The following ROBO2 variants were observed in gnomAD, a reference collection of about 807,000 sequenced individuals.
ROBO2 encodes roundabout guidance receptor 2.
In ROBO2, 53 loss-of-function variants were observed where a neutral mutation model predicts 160.8. The ratio of observed to expected loss-of-function variants is 0.33; its 90% CI spans 0.26 to 0.41. The LOEUF is 0.41. Ranked by LOEUF, ROBO2 falls within the 10% of genes least tolerant of loss-of-function variation. The pLI, the probability that ROBO2 is intolerant of heterozygous loss-of-function variation, is 1.00. For missense variants in ROBO2, 1,577 were observed against 1,722.4 expected (o/e 0.92, Z 1.49); for synonymous variants, 664 against 611.7 (o/e 1.09, Z -1.26).
chr3:76,386,384 G>C (rs1268006680), intron 2 of ROBO2, among the ~76,000 whole-genome samples: 1 of 114,532 alleles, frequency 8.7e-6, no homozygotes, highest in Non-Finnish European at 1.6e-5. Context: ...CCTTTCAGAA[G>C]TATTTATTGA....
At chr3:75,969,515 A>T (rs998966465) in intron 2 of ROBO2, among the ~76,000 whole-genome samples, 2 of 151,526 alleles carry the variant, frequency 1.3e-5, no homozygotes, top group Non-Finnish European at 3.0e-5. Context: ...TGGCTGTCTC[A>T]GTTTACTTTC....
At chr3:76,938,362 C>G (rs889355883) in intron 2 of ROBO2, among the ~76,000 whole-genome samples, 1 of 149,652 alleles carries the variant, frequency 6.7e-6, no homozygotes, top group Non-Finnish European at 1.5e-5. Flanking sequence ...CCCACCTACC[C>G]CCCCCAAAAA....
intron 2 of ROBO2, among the ~76,000 whole-genome samples, chr3:75,952,674 C>G (rs1355413688): frequency 2.6e-5 from 4 of 151,920 alleles, no homozygotes; most frequent in Non-Finnish European, 4.4e-5. Context: ...AGAGTTTACT[C>G]CTTGTCTTAT....
intron 24 of ROBO2, among the ~76,000 whole-genome samples, chr3:77,640,993 A>G (rs954002130): frequency 7.2e-5 from 11 of 152,216 alleles, no homozygotes; most frequent in African/African-American, 2.7e-4. Context: ...CAATGACAAG[A>G]TAAGTTATTT....
intron 2 of ROBO2, among the ~76,000 whole-genome samples, chr3:77,223,268 GA>G (rs1314774319): frequency 7.2e-5 from 11 of 152,028 alleles, no homozygotes; most frequent in African/African-American, 2.7e-4. Context: ...TACCTTCATT[GA>G]TTTTTTTATA....
chr3:76,783,694 T>C (rs2062801743), intron 2 of ROBO2, among the ~76,000 whole-genome samples: 1 of 150,880 alleles, frequency 6.6e-6, no homozygotes, highest in Non-Finnish European at 1.5e-5. Flanking sequence ...AATGTCTCGA[T>C]AAAAGCCTCT....
In ROBO2 at chr3:77,263,574, AG is replaced by A. The variant is rs577426909; in HGVS notation, c.388+165236del. ...TCCAGCTCCATCCATGTCCCTACAA[AG>A]GATATAATCGCGTTCTTTTATGGCT... On this transcript the variant is annotated intron_variant, in intron 2 of 25. Transcript: ENST00000461745. Among the ~76,000 whole-genome samples, 10 of 152,338 alleles carry A rather than the reference AG, an allele frequency of 6.6e-5. No homozygotes were observed. The South Asian group carries it at 2.1e-3, about 32-fold the overall frequency.
At chr3:76,801,152 G>A (rs2064167033) in intron 2 of ROBO2, among the ~76,000 whole-genome samples, 1 of 152,156 alleles carries the variant, frequency 6.6e-6, no homozygotes, top group Non-Finnish European at 1.5e-5. Context: ...ACCAGGCACA[G>A]AAAGACAAAC....
At chr3:76,320,946 T>G (rs1186088357) in intron 2 of ROBO2, among the ~76,000 whole-genome samples, 1 of 152,198 alleles carries the variant, frequency 6.6e-6, no homozygotes, top group African/African-American at 2.4e-5. Context: ...ACAAAATATT[T>G]GTAGTCTATC....
At position 76,585,228 on chromosome 3, in the gene ROBO2, T is replaced by G. The variant is rs555036847; in HGVS notation, c.110-512786T>G. Among the ~76,000 whole-genome samples the G allele has an allele frequency of 2.0e-5, 3 of 152,288 alleles. No homozygotes were observed. In the South Asian group the frequency reaches 6.2e-4, roughly 32 times the overall value. On this transcript the variant is annotated intron_variant, in intron 2 of 26. Coordinates refer to the ROBO2 transcript ENST00000487694. The stretch of plus-strand genomic sequence containing the variant: ...TCATAAAACTGGAAATTAAGGGACT[T>G]TATTTTACTATGAAGCATTTATTCC...
intron 2 of ROBO2, among the ~76,000 whole-genome samples, chr3:76,382,444 C>T (rs529934799): frequency 2.9e-4 from 44 of 152,072 alleles, no homozygotes; most frequent in Admixed American, 3.9e-4. Flanking sequence ...AAATATTATC[C>T]GGGCGCGGTG....
chr3:76,966,474 C>T (rs781542524), intron 2 of ROBO2, among the ~76,000 whole-genome samples: 77 of 152,304 alleles, frequency 5.1e-4, no homozygotes, highest in Non-Finnish European at 4.3e-4. Context: ...GTCTGCTTTA[C>T]ATCTCTCTAC....
At chr3:76,741,161 G>A (rs2093796029) in intron 2 of ROBO2, among the ~76,000 whole-genome samples, 1 of 151,946 alleles carries the variant, frequency 6.6e-6, no homozygotes, top group African/African-American at 2.4e-5. Context: ...AGAAACATCT[G>A]AAACATACTT....
Position 77,577,483 on chromosome 3 carries a change from T to A in ROBO2, c.2204-7T>A. On this transcript the variant is annotated splice_polypyrimidine_tract_variant and splice_region_variant and intron_variant, in intron 14 of 25. Coordinates refer to ENST00000461745, the Ensembl canonical transcript of ROBO2. ...GTTTGCATTTATTCTAATTACTTCC[T>A]CTACAGCCCCAAGTGCCCCACCACA... 1 of 1,613,228 alleles carries A rather than the reference T, an allele frequency of 6.2e-7. No homozygotes were observed. The highest frequency in any genetic ancestry group is 8.5e-7 in the Non-Finnish European group (1 of 1,179,466).
intron 2 of ROBO2, among the ~76,000 whole-genome samples, chr3:76,876,756 G>C (rs779537333): frequency 4.0e-5 from 6 of 151,878 alleles, no homozygotes; most frequent in Non-Finnish European, 7.4e-5. Flanking sequence ...ACATACTATT[G>C]CAATAATTAA....
At chr3:76,093,489 T>C (rs1431303005) in intron 2 of ROBO2, among the ~76,000 whole-genome samples, 1 of 6,490 alleles carries the variant, frequency 1.5e-4, no homozygotes, top group African/African-American at 7.2e-4. Context: ...GTGTAAGATA[T>C]TATAATATAA....
intron 2 of ROBO2, among the ~76,000 whole-genome samples, chr3:76,218,331 G>A (rs1303321983): frequency 1.3e-5 from 2 of 152,100 alleles, no homozygotes; most frequent in African/African-American, 2.4e-5. Flanking sequence ...GGCAGGAGAA[G>A]GAAATAAAGG....
At chr3:77,578,805 G>T (rs1050773813) in intron 15 of ROBO2, among the ~76,000 whole-genome samples, 3 of 151,844 alleles carry the variant, frequency 2.0e-5, no homozygotes, top group African/African-American at 7.2e-5. Context: ...TTTTAATGAG[G>T]TTAGGAATTT....
intron 2 of ROBO2, among the ~76,000 whole-genome samples, chr3:77,388,091 T>C (rs2074322816): frequency 1.3e-5 from 2 of 151,962 alleles, no homozygotes; most frequent in South Asian, 4.1e-4. Flanking sequence ...TTAGTTATAC[T>C]CTCTTAATAT....
Sources: gnomAD v4.1 joint callset for allele counts (sites outside exome capture counted in the v4.1 genomes callset) on GRCh38, gnomAD v4.1.1 for gene constraint, MANE v1.5 for transcripts, NCBI Gene and HGNC (gene_info 2026-07-23, HGNC 2026-07-21) for gene names.